The following RANBP17 variants were observed in gnomAD, a reference collection of about 807,000 sequenced individuals.
The protein encoded by RANBP17 is RAN binding protein 17.
A neutral mutation model predicts 141.2 loss-of-function variants in RANBP17; 158 were observed. The ratio of observed to expected loss-of-function variants is 1.12; its 90% CI spans 0.98 to 1.28. The LOEUF (loss-of-function observed/expected upper bound fraction) is 1.28. Among genes scored for constraint, RANBP17 ranks in the 50% most tolerant of loss-of-function variants. The probability of loss-of-function intolerance (pLI) is 0.00; values close to 1 mark genes in which losing one functional copy is unlikely to be tolerated. For missense variants in RANBP17, 1,438 were observed against 1,290.7 expected (o/e 1.11, Z -1.75); for synonymous variants, 430 against 450.0 (o/e 0.96, Z 0.56).
intron 14 of RANBP17, among the ~76,000 whole-genome samples, chr5:171,011,705 CT>C (rs1780048306): frequency 6.6e-6 from 1 of 151,540 alleles, no homozygotes; most frequent in African/African-American, 2.4e-5. Flanking sequence ...TTTTATATAC[CT>C]CCTGAGAACA....
chr5:170,965,959 G>A (rs1776528220), intron 13 of RANBP17, among the ~76,000 whole-genome samples: 1 of 152,104 alleles, frequency 6.6e-6, no homozygotes, highest in South Asian at 2.1e-4. Context: ...GCTTGATGGG[G>A]ATGGCATTGA....
At chr5:171,283,018 C>T (rs1369955494) in intron 25 of RANBP17, among the ~76,000 whole-genome samples, 2 of 152,072 alleles carry the variant, frequency 1.3e-5, no homozygotes, top group Admixed American at 1.3e-4. Context: ...TCCTCATTCC[C>T]CCAGACTCCT....
chr5:170,937,081 C>T (rs1773943574), intron 12 of RANBP17, among the ~76,000 whole-genome samples: 1 of 152,152 alleles, frequency 6.6e-6, no homozygotes, highest in Non-Finnish European at 1.5e-5. Context: ...TTAAAAAATC[C>T]ATTCTGACCA....
chr5:171,148,000 T>C (rs1425228641), intron 14 of RANBP17, among the ~76,000 whole-genome samples: 1 of 152,232 alleles, frequency 6.6e-6, no homozygotes, highest in East Asian at 1.9e-4. Flanking sequence ...CGTGTCTGTG[T>C]AGAAAGAAGT....
At chr5:171,205,462 A>G in intron 19 of RANBP17, 62 bp from the exon 20 acceptor site, 1 of 1,341,338 alleles carries the variant, frequency 7.5e-7, no homozygotes, top group Non-Finnish European at 1.1e-6. Flanking sequence ...TTGCCTGATT[A>G]TTACTCCATC....
At chr5:171,022,560 G>T (rs961285759) in intron 14 of RANBP17, among the ~76,000 whole-genome samples, 17 of 152,212 alleles carry the variant, frequency 1.1e-4, no homozygotes, top group African/African-American at 4.1e-4. Flanking sequence ...GCCTGAAAAG[G>T]CACTCTGACC....
chr5:171,035,737 G>GTTTTTTTTTTTTT (rs781327156), intron 14 of RANBP17, among the ~76,000 whole-genome samples: 8 of 95,444 alleles, frequency 8.4e-5, no homozygotes, highest in Non-Finnish European at 1.2e-4. Context: ...TTCTTTTTTT[G>GTTTTTTTTTTTTT]TTTTTTTTTT....
At chr5:171,178,616 A>T (rs1211095753) in intron 16 of RANBP17, among the ~76,000 whole-genome samples, 1 of 152,112 alleles carries the variant, frequency 6.6e-6, no homozygotes, top group Non-Finnish European at 1.5e-5. Context: ...ACAATGGTTG[A>T]ACTAGTTTAC....
Position 170,881,827 on chromosome 5 carries a change from G to A in RANBP17, c.187G>A (p.Ala63Thr). The change falls in exon 3 of 28, where the codon GCA becomes ACA. Residue 63 changes from alanine to threonine, a missense_variant. Ala to Thr is a moderately conservative substitution (Grantham distance 58, BLOSUM62 0). Coordinates refer to ENST00000523189, the MANE Select transcript of RANBP17 (RefSeq NM_022897.5). ...ACAGACATCCTATGCTCAGCTCCTTGCAGCAACATGTCTTTCAAAACTTGT... is the reference window on the plus strand; with the variant it reads ...ACAGACATCCTATGCTCAGCTCCTTACAGCAACATGTCTTTCAAAACTTGT... The part of the protein sequence containing the change: ...QGTTSYAQLL[A>T]ATCLSKLVSR... The A allele has an allele frequency of 6.2e-7, 1 of 1,608,184 alleles. No homozygotes were observed. The highest frequency in any genetic ancestry group is 8.5e-7 in the Non-Finnish European group (1 of 1,176,862).
At chr5:171,111,372 T>C (rs1397172896) in intron 14 of RANBP17, among the ~76,000 whole-genome samples, 1 of 152,158 alleles carries the variant, frequency 6.6e-6, no homozygotes, top group Non-Finnish European at 1.5e-5. Context: ...ATCTGGATGC[T>C]TTATCTTCCT....
chr5:171,117,041 C>T (rs1177076636), intron 14 of RANBP17, among the ~76,000 whole-genome samples: 1 of 152,194 alleles, frequency 6.6e-6, no homozygotes, highest in Non-Finnish European at 1.5e-5. Flanking sequence ...ATGTGTACCA[C>T]ATTTTCTTTA....
chr5:171,065,025 T>G (rs1054682090), intron 14 of RANBP17, among the ~76,000 whole-genome samples: 9 of 152,230 alleles, frequency 5.9e-5, no homozygotes, highest in Non-Finnish European at 1.2e-4. Context: ...ATTTTGTTTT[T>G]AATTGCATCT....
chr5:171,264,938 G>C (rs1257648174), intron 24 of RANBP17, among the ~76,000 whole-genome samples: 1 of 152,072 alleles, frequency 6.6e-6, no homozygotes, highest in African/African-American at 2.4e-5. Context: ...AACTCTCCTT[G>C]ATCCCCATCT....
intron 14 of RANBP17, among the ~76,000 whole-genome samples, chr5:171,019,785 C>T (rs1188847279): frequency 2.6e-5 from 4 of 151,776 alleles, no homozygotes; most frequent in Non-Finnish European, 5.9e-5. Flanking sequence ...CAGTTCTTCT[C>T]TGGTCTTAGT....
At chr5:171,296,685 G>T (rs1415787667) in intron 27 of RANBP17, among the ~76,000 whole-genome samples, 1 of 152,222 alleles carries the variant, frequency 6.6e-6, no homozygotes, top group Admixed American at 6.5e-5. Flanking sequence ...AGCCGAGGTG[G>T]GTGGATCACC....
intron 14 of RANBP17, among the ~76,000 whole-genome samples, chr5:171,151,533 A>G (rs1452616673): frequency 6.6e-6 from 1 of 152,234 alleles, no homozygotes; most frequent in African/African-American, 2.4e-5. Flanking sequence ...AATAGGCTTA[A>G]TAAGTTCATG....
intron 1 of RANBP17, among the ~76,000 whole-genome samples, chr5:170,871,713 G>A (rs997651810): frequency 3.3e-5 from 5 of 152,122 alleles, no homozygotes; most frequent in Admixed American, 3.3e-4. Flanking sequence ...TAAGAAAGGG[G>A]CCCAGTTACA....
chr5:171,223,667 G>A (rs536884530), intron 22 of RANBP17, among the ~76,000 whole-genome samples: 3 of 152,198 alleles, frequency 2.0e-5, no homozygotes, highest in East Asian at 3.9e-4. Context: ...ATCATATAAA[G>A]TGGAAATGCT....
At chr5:171,219,959 G>T (rs900131501) in intron 21 of RANBP17, among the ~76,000 whole-genome samples, 1 of 151,994 alleles carries the variant, frequency 6.6e-6, no homozygotes, top group Admixed American at 6.6e-5. Context: ...TGATCATTTG[G>T]AGGAGAAGAG....
Sources: allele counts gnomAD v4.1 joint callset (sites outside exome capture counted in the v4.1 genomes callset), GRCh38; gene constraint gnomAD v4.1.1; transcripts MANE v1.5; gene names NCBI Gene and HGNC (gene_info 2026-07-23, HGNC 2026-07-21).